LMBRD1: variants seen among roughly 807,000 people sequenced by gnomAD.
LMBRD1 encodes LMBR1 domain containing 1, also known as lysosomal cobalamin transport escort protein LMBD1.
Under a neutral mutation model 74.8 loss-of-function variants are expected in LMBRD1, and 64 were observed. That is an observed-to-expected ratio of 0.86 (90% CI 0.70 to 1.05). LMBRD1 has a LOEUF of 1.05. LMBRD1 is among the 50% of genes least tolerant of loss of function. The probability of loss-of-function intolerance (pLI) is 0.00; values close to 1 mark genes in which losing one functional copy is unlikely to be tolerated. For synonymous variants in LMBRD1, 204 were observed against 216.3 expected (o/e 0.94, Z 0.50); for missense variants, 652 against 645.9 (o/e 1.01, Z -0.10).
chr6:69,760,115 T>A (rs1422676494), intron 3 of LMBRD1, among the ~76,000 whole-genome samples: 1 of 152,184 alleles, frequency 6.6e-6, no homozygotes, highest in Non-Finnish European at 1.5e-5. Flanking sequence ...AAGATGCATA[T>A]AACTTATGAT....
intron 1 of LMBRD1, among the ~76,000 whole-genome samples, chr6:69,792,135 T>G (rs1454304899): frequency 6.6e-6 from 1 of 152,224 alleles, no homozygotes; most frequent in East Asian, 1.9e-4. Flanking sequence ...CCCATAAAGG[T>G]AGAAACTCCA....
At chr6:69,751,386 GAGTGATCTCGGCTCACTGC>G (rs923194168) in intron 4 of LMBRD1, among the ~76,000 whole-genome samples, 2 of 151,976 alleles carry the variant, frequency 1.3e-5, no homozygotes, top group African/African-American at 4.8e-5. Context: ...GAGCGCAGTG[GAGTGATCTCGGCTCACTGC>G]AACCTCCGCC....
intron 7 of LMBRD1, among the ~76,000 whole-genome samples, chr6:69,728,279 C>T (rs999303871): frequency 6.6e-6 from 1 of 152,066 alleles, no homozygotes; most frequent in African/African-American, 2.4e-5. Flanking sequence ...GACACTACCC[C>T]GATGATCCAA....
chr6:69,707,083 T>C (rs969291054), intron 9 of LMBRD1, among the ~76,000 whole-genome samples: 2 of 152,172 alleles, frequency 1.3e-5, no homozygotes, highest in African/African-American at 4.8e-5. Context: ...GGTTGTAGAG[T>C]TGGAGTTTTC....
At chr6:69,718,051 G>A (rs1401031765) in intron 8 of LMBRD1, among the ~76,000 whole-genome samples, 1 of 151,936 alleles carries the variant, frequency 6.6e-6, no homozygotes, top group Non-Finnish European at 1.5e-5. Context: ...TTTCTTTTTT[G>A]TGTGCTGTTA....
intron 9 of LMBRD1, among the ~76,000 whole-genome samples, chr6:69,710,865 CA>C (rs952977873): frequency 7.9e-5 from 12 of 152,080 alleles, no homozygotes; most frequent in South Asian, 2.1e-4. Context: ...TGTGGGAATG[CA>C]AAACGGTTGT....
chr6:69,699,986 T>C (rs1766091415), intron 12 of LMBRD1, among the ~76,000 whole-genome samples: 2 of 151,850 alleles, frequency 1.3e-5, no homozygotes, highest in South Asian at 4.1e-4. Flanking sequence ...GTTTTATTGA[T>C]ATAATTGTTT....
At chr6:69,754,699 G>A (rs1373404377) in intron 3 of LMBRD1, among the ~76,000 whole-genome samples, 2 of 152,208 alleles carry the variant, frequency 1.3e-5, no homozygotes, top group East Asian at 1.9e-4. Context: ...AAATCTAACA[G>A]CCAACAGACA....
chr6:69,682,908 T>C (rs995960276), intron 14 of LMBRD1, among the ~76,000 whole-genome samples: 11 of 151,964 alleles, frequency 7.2e-5, no homozygotes, highest in South Asian at 2.1e-4. Flanking sequence ...AGAGAGAAAT[T>C]TGCATTTGAA....
At chr6:69,736,191 AC>A (rs954850410) in intron 7 of LMBRD1, among the ~76,000 whole-genome samples, 5 of 150,776 alleles carry the variant, frequency 3.3e-5, no homozygotes, top group African/African-American at 1.2e-4. Flanking sequence ...GAGCTAATTG[AC>A]CCCCCCTCCG....
At chr6:69,780,670 A>C (rs942577588) in intron 2 of LMBRD1, 116 bp from the exon 3 acceptor site, 1 of 751,848 alleles carries the variant, frequency 1.3e-6, no homozygotes, top group Admixed American at 1.9e-5. Context: ...CCACATAAAA[A>C]CAATCTATGT....
intron 5 of LMBRD1, among the ~76,000 whole-genome samples, chr6:69,747,455 C>A (rs1398393179): frequency 6.6e-6 from 1 of 152,210 alleles, no homozygotes; most frequent in Non-Finnish European, 1.5e-5. Context: ...CTTGTTATGG[C>A]AGCCAAAGCA....
intron 14 of LMBRD1, among the ~76,000 whole-genome samples, chr6:69,680,626 A>G (rs1323749259): frequency 6.6e-6 from 1 of 152,184 alleles, no homozygotes; most frequent in East Asian, 1.9e-4. Context: ...GCCTTTTAAA[A>G]TACCATAAAA....
intron 3 of LMBRD1, among the ~76,000 whole-genome samples, chr6:69,757,752 A>AT (rs1765297283): frequency 6.6e-6 from 1 of 152,224 alleles, no homozygotes; most frequent in African/African-American, 2.4e-5. Flanking sequence ...AAGGCAAATT[A>AT]TTCTTGACTC....
chr6:69,752,193 C>T (rs1257293811), intron 4 of LMBRD1, 66 bp downstream of exon 4: 1 of 1,501,486 alleles, frequency 6.7e-7, no homozygotes, highest in Non-Finnish European at 9.1e-7. Flanking sequence ...GTCATTCATT[C>T]TCTGAAAAAG....
rs185833688 is a variant in LMBRD1, at chr6:69,772,136, G to A, written c.307+8358C>T. 2.6e-5 allele frequency among the ~76,000 whole-genome samples: 4 copies of A among 152,204 alleles called. No homozygotes were observed. The East Asian group carries it at 7.7e-4, about 29-fold the overall frequency. On this transcript the variant is annotated intron_variant, in intron 3 of 15. Coordinates refer to ENST00000649934, the MANE Select transcript of LMBRD1 (RefSeq NM_018368.4). ...TGATTTTTTGGTAGAGTTCTGTAAC[G>A]GTTGGACATAGGATTGTGAAGTTCC...
chr6:69,675,816 A>T lies in LMBRD1; in HGVS notation c.*342T>A, dbSNP rs1446812084. On this transcript the variant is annotated 3_prime_UTR_variant, in exon 16 of 16. Transcript: ENST00000649934. ...TCTGGAGAACCTAAGGCACAGATAC[A>T]GATGATTTATTATGTTTTCAAAAAG... is the stretch of plus-strand genomic sequence containing the variant. The T allele has an allele frequency of 7.3e-6, 2 of 275,144 alleles. No homozygotes were observed. The highest frequency in any genetic ancestry group is 1.8e-4 in the East Asian group (2 of 11,116). 17.0% of individuals were successfully genotyped at this position (275,144 alleles called of 1,614,324 possible). A position where few individuals can be genotyped will look rare whatever the true frequency, so the allele number is the denominator to read the frequency against.
At chr6:69,676,393 C>T (rs1316531156) in intron 15 of LMBRD1, 57 bp downstream of exon 15, 4 of 1,578,214 alleles carry the variant, frequency 2.5e-6, no homozygotes, top group East Asian at 2.3e-5. Flanking sequence ...AGAGTTTACA[C>T]ATTTAACTAT....
chr6:69,748,961 G>C (rs1394507222), intron 5 of LMBRD1, among the ~76,000 whole-genome samples: 1 of 151,918 alleles, frequency 6.6e-6, no homozygotes, highest in African/African-American at 2.4e-5. Flanking sequence ...ATATATTTTT[G>C]TATCCTTAGA....
Sources: gnomAD v4.1 joint callset for allele counts (sites outside exome capture counted in the v4.1 genomes callset) on GRCh38, gnomAD v4.1.1 for gene constraint, MANE v1.5 for transcripts, NCBI Gene and HGNC (gene_info 2026-07-23, HGNC 2026-07-21) for gene names.